Variants in ANO2 observed in about 807,000 individuals in gnomAD.
ANO2 encodes anoctamin 2, also known as anoctamin-2.
A neutral mutation model predicts 124.2 loss-of-function variants in ANO2; 101 were observed. That is an observed-to-expected ratio of 0.81 (90% confidence interval 0.69 to 0.96). The LOEUF is 0.96. ANO2 is among the 40% of genes least tolerant of loss of function. The pLI, the probability that ANO2 is intolerant of heterozygous loss-of-function variation, is 0.00. For missense variants in ANO2, 1,293 were observed against 1,274.5 expected, an observed-to-expected ratio of 1.01 and a Z score of -0.22; for synonymous variants, 486 against 482.5, an observed-to-expected ratio of 1.01 and a Z score of -0.09.
intron 9 of ANO2, among the ~76,000 whole-genome samples, chr12:5,803,120 C>A (rs1205309694): frequency 6.6e-6 from 1 of 152,196 alleles, no homozygotes; most frequent in African/African-American, 2.4e-5. Context: ...AGACCTGAGA[C>A]AGGCAGAAAG....
intron 10 of ANO2, among the ~76,000 whole-genome samples, chr12:5,786,603 G>A (rs1222571588): frequency 6.6e-6 from 1 of 152,102 alleles, no homozygotes; most frequent in Admixed American, 6.5e-5. Context: ...CCTCACTTAA[G>A]GAAACAGGGC....
chr12:5,927,083 TGC>T lies in ANO2; in HGVS notation c.23-4281_23-4280del. Among the ~76,000 whole-genome samples, 5 of 152,202 alleles carry T rather than the reference TGC, an allele frequency of 3.3e-5. 1 individual carries two copies. Among genetic ancestry groups the T allele is most frequent in the Admixed American group, 3.3e-4 (5 of 15,280 alleles). On this transcript the variant is annotated intron_variant, in intron 1 of 24. Transcript: ENST00000682330. ...CTTCTCCACTTCATTCCAGCTGCTC[TGC>T]TTCAAGTCCCTGGAATTCCCTTTCT...
intron 16 of ANO2, among the ~76,000 whole-genome samples, chr12:5,630,638 G>A (rs1423161034): frequency 1.3e-5 from 2 of 152,168 alleles, no homozygotes; most frequent in Non-Finnish European, 2.9e-5. Flanking sequence ...GGCATTCCTT[G>A]AAAAATGTCT....
At chr12:5,727,520 A>AG (rs1950485935) in intron 14 of ANO2, among the ~76,000 whole-genome samples, 1 of 152,022 alleles carries the variant, frequency 6.6e-6, no homozygotes, top group African/African-American at 2.4e-5. Flanking sequence ...ACCAAAAAAA[A>AG]AAAAAAGCAA....
chr12:5,770,857 C>G (rs538439440), intron 10 of ANO2, among the ~76,000 whole-genome samples: 1 of 152,240 alleles, frequency 6.6e-6, no homozygotes, highest in African/African-American at 2.4e-5. Context: ...TCAGACACAC[C>G]ACACCTGCTC....
In ANO2 at chr12:5,862,862, C is replaced by T. The variant is rs1480619749; in HGVS notation, c.535-8721G>A. 1.3e-5 allele frequency among the ~76,000 whole-genome samples: 2 copies of T among 152,176 alleles called. No individual in the cohort carries two copies. The highest frequency in any genetic ancestry group is 1.3e-4 in the Admixed American group (2 of 15,282). On this transcript the variant is annotated intron_variant, in intron 3 of 24. Coordinates refer to ENST00000682330, the MANE Select transcript of ANO2 (RefSeq NM_001364791.2). The surrounding 1 kb of genome is among the most constrained non-coding windows in gnomAD (Gnocchi z 4.0). Reference sequence around the variant, plus strand: ...CTGGAGTGCAATGGCGCAATCTTGGCTCACTGCAACCTCCACCTCCCAGGT... The same window carrying T: ...CTGGAGTGCAATGGCGCAATCTTGGTTCACTGCAACCTCCACCTCCCAGGT...
intron 16 of ANO2, among the ~76,000 whole-genome samples, chr12:5,619,802 G>A (rs1945020835): frequency 6.6e-6 from 1 of 152,248 alleles, no homozygotes; most frequent in African/African-American, 2.4e-5. Flanking sequence ...CATTTCTCCT[G>A]AATGTGCTCC....
At chr12:5,581,046 TA>T (rs921928839) in intron 20 of ANO2, among the ~76,000 whole-genome samples, 56 of 152,156 alleles carry the variant, frequency 3.7e-4, no homozygotes, top group Non-Finnish European at 7.1e-4. Flanking sequence ...ATCTTTTAAA[TA>T]AAGCTTTGCT....
At chr12:5,606,860 ACC>A (rs1944246111) in intron 19 of ANO2, among the ~76,000 whole-genome samples, 1 of 152,176 alleles carries the variant, frequency 6.6e-6, no homozygotes, top group Non-Finnish European at 1.5e-5. Context: ...ATAGCTGACT[ACC>A]TGGCCTACTA....
chr12:5,880,152 T>C (rs12318906), intron 3 of ANO2, among the ~76,000 whole-genome samples: 3,921 of 152,172 alleles, frequency 0.026, 173 homozygotes, highest in African/African-American at 0.089. Context: ...GGGAGAATGG[T>C]TAAGACAACC....
chr12:5,829,016 C>A (rs1954071699), intron 6 of ANO2, among the ~76,000 whole-genome samples: 1 of 152,204 alleles, frequency 6.6e-6, no homozygotes, highest in Non-Finnish European at 1.5e-5. Flanking sequence ...AAGGAAGATG[C>A]TTCCAGAAGG....
In ANO2 at chr12:5,615,315, G is replaced by C; in HGVS notation, c.1817-18C>G. 1 of 1,592,184 alleles carries C rather than the reference G, an allele frequency of 6.3e-7. No individual in the cohort carries two copies. The highest frequency in any genetic ancestry group is 8.6e-7 in the Non-Finnish European group (1 of 1,164,496). ...CGGAACCTCTGTAAGAGAAGAGCGAGGCTGATGAGATTGGGGTGAGATTTC... is the reference window on the plus strand; with the variant it reads ...CGGAACCTCTGTAAGAGAAGAGCGACGCTGATGAGATTGGGGTGAGATTTC... On this transcript the variant is annotated intron_variant, in intron 16 of 24. Coordinates refer to ENST00000682330, the MANE Select transcript of ANO2 (RefSeq NM_001364791.2).
chr12:5,784,577 C>T (rs1843862859), intron 10 of ANO2, among the ~76,000 whole-genome samples: 1 of 152,234 alleles, frequency 6.6e-6, no homozygotes, highest in African/African-American at 2.4e-5. Flanking sequence ...TGAGCTCAGG[C>T]TTGGCCTCTT....
chr12:5,817,519 G>C (rs1370380284), intron 7 of ANO2, among the ~76,000 whole-genome samples: 1 of 152,142 alleles, frequency 6.6e-6, no homozygotes, highest in Non-Finnish European at 1.5e-5. Context: ...AAAGAGATTC[G>C]GTTTGATAAG....
chr12:5,585,152 C>T (rs1026097300), intron 20 of ANO2, among the ~76,000 whole-genome samples: 1 of 151,870 alleles, frequency 6.6e-6, no homozygotes, highest in African/African-American at 2.4e-5. Flanking sequence ...TCACTGGGCT[C>T]CACGTGAAGA....
rs190774073 is a variant in ANO2 at position 5,769,578 on chromosome 12, G to A, written c.1056-18608C>T. 2.0e-5 allele frequency among the ~76,000 whole-genome samples: 3 copies of A among 152,296 alleles called. No individual in the cohort carries two copies. Among genetic ancestry groups the A allele is most frequent in the Non-Finnish European group, 4.4e-5 (3 of 68,026 alleles). Reference sequence around the variant, plus strand: ...TCCTCATCTGAATCCAAGAGAAACGGTAAAGGCAAGTCCTGATTCCAGGTC... The same window carrying A: ...TCCTCATCTGAATCCAAGAGAAACGATAAAGGCAAGTCCTGATTCCAGGTC... On this transcript the variant is annotated intron_variant, in intron 10 of 24. Coordinates refer to ENST00000682330, the MANE Select transcript of ANO2 (RefSeq NM_001364791.2). This position sits in a 1 kb window ranked among gnomAD's most constrained non-coding sequence, Gnocchi z 4.0.
intron 20 of ANO2, among the ~76,000 whole-genome samples, chr12:5,589,557 C>G (rs371452708): frequency 1.3e-5 from 2 of 152,088 alleles, no homozygotes; most frequent in Non-Finnish European, 2.9e-5. Flanking sequence ...ACAGGCTTAC[C>G]CAATATGTTT....
Position 5,769,025 on chromosome 12 carries a change from G to A in ANO2, c.1056-18055C>T, listed in dbSNP as rs1565654726. Among the ~76,000 whole-genome samples the A allele has an allele frequency of 6.6e-6, 1 of 152,146 alleles. No individual in the cohort carries two copies. The highest frequency in any genetic ancestry group is 1.5e-5 in the Non-Finnish European group (1 of 68,032). On this transcript the variant is annotated intron_variant, in intron 10 of 24. Coordinates refer to ENST00000682330, the MANE Select transcript of ANO2 (RefSeq NM_001364791.2). The surrounding 1 kb of genome is among the most constrained non-coding windows in gnomAD (Gnocchi z 4.0). The stretch of plus-strand genomic sequence containing the variant: ...TCGGGATGGCAGCGCTGTGGAAGCT[G>A]GGCTTAGCTTATGTCCTGACAGCTG...
chr12:5,914,209 A>AAG (rs1941243300), intron 3 of ANO2, among the ~76,000 whole-genome samples: 1 of 150,504 alleles, frequency 6.6e-6, no homozygotes, highest in African/African-American at 2.4e-5. Context: ...CAAAAAAGAA[A>AAG]AAAAGAAAAA....
Sources: allele counts gnomAD v4.1 joint callset (sites outside exome capture counted in the v4.1 genomes callset), GRCh38; gene constraint gnomAD v4.1.1; non-coding constraint Gnocchi (gnomAD v3.1); transcripts MANE v1.5; gene names NCBI Gene and HGNC (gene_info 2026-07-23, HGNC 2026-07-21).